The following HEMK2 variants were observed in gnomAD, a reference collection of about 807,000 sequenced individuals.
HEMK2 encodes HemK methyltransferase 2, ETF1 glutamine and histone H4 lysine, also known as methyltransferase HEMK2.
At chr21:28,841,330 TA>T in the HEMK2 span, among the ~76,000 whole-genome samples, 3 of 16,456 alleles carry the variant, frequency 1.8e-4, no homozygotes, top group Non-Finnish European at 2.5e-4. Flanking sequence ...ATATTATATA[TA>T]AATATATATT....
At chr21:28,812,801 C>A in the HEMK2 span, among the ~76,000 whole-genome samples, 1 of 152,136 alleles carries the variant, frequency 6.6e-6, no homozygotes, top group Non-Finnish European at 1.5e-5. Context: ...TAATTACTGC[C>A]TCAGTTTCAT....
chr21:28,811,649 C>T, the HEMK2 span, among the ~76,000 whole-genome samples: 2 of 152,158 alleles, frequency 1.3e-5, no homozygotes, highest in African/African-American at 4.8e-5. Context: ...TCCTCCCCTA[C>T]CCTTTGAACG....
At chr21:28,679,537 G>A in the HEMK2 span, among the ~76,000 whole-genome samples, 18 of 152,164 alleles carry the variant, frequency 1.2e-4, no homozygotes, top group East Asian at 1.9e-4. Flanking sequence ...ACTCAGCTCC[G>A]CACCAAGAGG....
chr21:28,825,379 C>T, the HEMK2 span, among the ~76,000 whole-genome samples: 1 of 152,168 alleles, frequency 6.6e-6, no homozygotes, highest in African/African-American at 2.4e-5. Context: ...GCTCTAGGTG[C>T]TAGTCTAGAC....
chr21:28,611,608 GGGAGCAGCTCACACCTGTAATCCCA>G, the HEMK2 span, among the ~76,000 whole-genome samples: 23,227 of 151,864 alleles, frequency 0.15, 2,170 homozygotes, highest in Non-Finnish European at 0.21. Flanking sequence ...CATTTTAAAT[GGGAGCAGCTCACACCTGTAATCCCA>G]GGAGCAGCTC....
chr21:28,857,393 G>C, the HEMK2 span, among the ~76,000 whole-genome samples: 2 of 152,060 alleles, frequency 1.3e-5, no homozygotes, highest in Non-Finnish European at 2.9e-5. Context: ...TCGTTGAAAG[G>C]ATGTAAGTTT....
the HEMK2 span, among the ~76,000 whole-genome samples, chr21:28,798,490 C>T: frequency 6.6e-6 from 1 of 150,544 alleles, no homozygotes; most frequent in Non-Finnish European, 1.5e-5. Context: ...ATGCTAATAA[C>T]TGAATAAGTA....
At chr21:28,658,561 G>C in the HEMK2 span, among the ~76,000 whole-genome samples, 1 of 152,010 alleles carries the variant, frequency 6.6e-6, no homozygotes, top group Non-Finnish European at 1.5e-5. Context: ...GTTGTAATCT[G>C]GTCCTGCTAT....
chr21:28,814,978 C>G, the HEMK2 span, among the ~76,000 whole-genome samples: 2 of 152,154 alleles, frequency 1.3e-5, no homozygotes, highest in South Asian at 2.1e-4. Flanking sequence ...TTGGAACCAA[C>G]CCAAATGTCC....
the HEMK2 span, among the ~76,000 whole-genome samples, chr21:28,763,503 A>G: frequency 6.6e-6 from 1 of 152,084 alleles, no homozygotes; most frequent in Admixed American, 6.6e-5. Flanking sequence ...CCCACGATCC[A>G]GCGACTTCCC....
the HEMK2 span, among the ~76,000 whole-genome samples, chr21:28,823,473 CT>C: frequency 1.3e-5 from 2 of 152,144 alleles, no homozygotes; most frequent in African/African-American, 4.8e-5. Context: ...TTGGCTGGTG[CT>C]TTTTGTTGTT....
At chr21:28,647,040 T>C in the HEMK2 span, among the ~76,000 whole-genome samples, 1 of 152,170 alleles carries the variant, frequency 6.6e-6, no homozygotes, top group Non-Finnish European at 1.5e-5. Flanking sequence ...GTCGCTGCCA[T>C]CTTTTGAAAA....
the HEMK2 span, among the ~76,000 whole-genome samples, chr21:28,803,000 A>C: frequency 6.6e-6 from 1 of 152,214 alleles, no homozygotes; most frequent in Non-Finnish European, 1.5e-5. Flanking sequence ...TAAGAACTTC[A>C]AGATGGCAGC....
At chr21:28,730,790 A>G in the HEMK2 span, among the ~76,000 whole-genome samples, 1 of 152,172 alleles carries the variant, frequency 6.6e-6, no homozygotes, top group East Asian at 1.9e-4. Context: ...CTCAGAAGTC[A>G]TATCTCACCA....
chr21:28,586,926 TTTCTAATACC>T, the HEMK2 span, among the ~76,000 whole-genome samples: 1 of 152,178 alleles, frequency 6.6e-6, no homozygotes, highest in Non-Finnish European at 1.5e-5. Context: ...AAGGTTCTAC[TTTCTAATACC>T]TTGGGATTAG....
At chr21:28,830,212 T>C in the HEMK2 span, among the ~76,000 whole-genome samples, 1 of 152,196 alleles carries the variant, frequency 6.6e-6, no homozygotes, top group African/African-American at 2.4e-5. Flanking sequence ...TCAAATCTCA[T>C]GTCAAACTGT....
the HEMK2 span, among the ~76,000 whole-genome samples, chr21:28,680,186 CAAAT>C: frequency 1.3e-5 from 2 of 152,014 alleles, no homozygotes; most frequent in Admixed American, 1.3e-4. Context: ...AGAGAAGAAT[CAAAT>C]AGATGCAATA....
the HEMK2 span, among the ~76,000 whole-genome samples, chr21:28,796,567 G>A: frequency 6.8e-4 from 103 of 152,072 alleles, 1 homozygote; most frequent in Admixed American, 2.3e-3. Context: ...AACTATTGAC[G>A]GATGAGTAAG....
chr21:28,663,447 G>A, the HEMK2 span, among the ~76,000 whole-genome samples: 1 of 152,218 alleles, frequency 6.6e-6, no homozygotes, highest in African/African-American at 2.4e-5. Flanking sequence ...CCAGCCAAAT[G>A]AAACACTGCG....
Sources: allele counts gnomAD v4.1 joint callset (sites outside exome capture counted in the v4.1 genomes callset), GRCh38; gene constraint gnomAD v4.1.1; transcripts MANE v1.5; gene names NCBI Gene and HGNC (gene_info 2026-07-23, HGNC 2026-07-21).